The following ACOXL variants were observed in gnomAD, a reference collection of about 807,000 sequenced individuals.
The protein encoded by ACOXL is acyl-CoA oxidase like, also known as acyl-coenzyme A oxidase-like protein.
Under a neutral mutation model 71.9 loss-of-function variants are expected in ACOXL, and 70 were observed. That is an observed-to-expected ratio of 0.97 (90% CI 0.80 to 1.19). The LOEUF (loss-of-function observed/expected upper bound fraction) is 1.19. ACOXL is among the 50% of genes most tolerant of loss of function. ACOXL has a pLI of 0.00. For synonymous variants in ACOXL, 253 were observed against 281.6 expected (o/e 0.90, Z 1.02); for missense variants, 703 against 736.3 (o/e 0.95, Z 0.52).
chr2:110,881,823 T>A (rs574526944), intron 10 of ACOXL, among the ~76,000 whole-genome samples: 1 of 152,334 alleles, frequency 6.6e-6, no homozygotes, highest in Admixed American at 6.5e-5. Flanking sequence ...TTCCTTTTCA[T>A]TGTAGATTCA....
chr2:110,951,424 T>C (rs1247613947), intron 12 of ACOXL, among the ~76,000 whole-genome samples: 1 of 152,238 alleles, frequency 6.6e-6, no homozygotes, highest in Non-Finnish European at 1.5e-5. Context: ...TTTCCAATCA[T>C]TTACATTTGT....
intron 10 of ACOXL, among the ~76,000 whole-genome samples, chr2:110,845,543 A>G (rs577151847): frequency 6.6e-6 from 1 of 152,192 alleles, no homozygotes; most frequent in South Asian, 2.1e-4. Context: ...AGCGTTTTCA[A>G]CATTGCAAAC....
chr2:111,044,915 A>G (rs1042922137), intron 15 of ACOXL, among the ~76,000 whole-genome samples: 4 of 152,082 alleles, frequency 2.6e-5, no homozygotes, highest in African/African-American at 4.8e-5. Context: ...TTATTTCCCT[A>G]TGCTTCCTCT....
intron 10 of ACOXL, among the ~76,000 whole-genome samples, chr2:110,866,197 G>A (rs1694565169): frequency 6.6e-6 from 1 of 152,190 alleles, no homozygotes; most frequent in Non-Finnish European, 1.5e-5. Flanking sequence ...AAGGGGCCAT[G>A]GGGCAAGCCA....
intron 16 of ACOXL, among the ~76,000 whole-genome samples, chr2:111,055,870 G>A (rs1283642363): frequency 1.3e-5 from 2 of 152,104 alleles, no homozygotes; most frequent in African/African-American, 4.8e-5. Context: ...CTGTGGTTTG[G>A]AATCCAGCCC....
intron 14 of ACOXL, among the ~76,000 whole-genome samples, chr2:111,024,742 A>T (rs2064940487): frequency 6.6e-6 from 1 of 152,036 alleles, no homozygotes; most frequent in Admixed American, 6.6e-5. Context: ...TATCAGGAAA[A>T]CAGTAGCTTT....
intron 1 of ACOXL, among the ~76,000 whole-genome samples, chr2:110,736,259 T>A (rs1676832351): frequency 6.6e-6 from 1 of 152,198 alleles, no homozygotes; most frequent in Non-Finnish European, 1.5e-5. Flanking sequence ...TTTAACTGCT[T>A]CTGAATGTAC....
rs796287009 is a variant in ACOXL, at chr2:111,064,457, C to A, written c.1440+15169C>A. Among the ~76,000 whole-genome samples, 1,059 of 126,126 alleles carry A rather than the reference C, an allele frequency of 8.4e-3. 12 individuals carry two copies. Among genetic ancestry groups the A allele is most frequent in the East Asian group, 0.045 (195 of 4,366 alleles). The allele number at this position is 126,126 out of a possible 152,430, so 82.7% of individuals were successfully genotyped here. A position where few individuals can be genotyped will look rare whatever the true frequency, so the allele number is the denominator to read the frequency against. The stretch of plus-strand genomic sequence containing the variant: ...TCTCAAAAAAAAAACAAAAAAAAAA[C>A]AACAACTATATAGTATTTGCATATA... On this transcript the variant is annotated intron_variant, in intron 16 of 17. Coordinates refer to ENST00000439055, the MANE Select transcript of ACOXL (RefSeq NM_001142807.4).
intron 16 of ACOXL, among the ~76,000 whole-genome samples, chr2:111,079,872 C>CAA (rs5833385): frequency 0.043 from 5,508 of 129,076 alleles, 330 homozygotes; most frequent in African/African-American, 0.13. Flanking sequence ...TGTGAAAGGC[C>CAA]AAAAAAAAAA....
chr2:110,868,822 C>G (rs911602107), intron 10 of ACOXL, among the ~76,000 whole-genome samples: 1 of 152,204 alleles, frequency 6.6e-6, no homozygotes, highest in Non-Finnish European at 1.5e-5. Flanking sequence ...AATTCCTGGG[C>G]TCAAGTGATC....
At chr2:110,827,886 A>T (rs1005412078) in intron 9 of ACOXL, among the ~76,000 whole-genome samples, 4 of 152,234 alleles carry the variant, frequency 2.6e-5, no homozygotes, top group African/African-American at 9.6e-5. Context: ...CATCTTTCTC[A>T]TATTGCTAAA....
chr2:111,101,301 T>C (rs2069140947), intron 17 of ACOXL: 1 of 152,172 alleles, frequency 6.6e-6, no homozygotes, highest in Admixed American at 6.5e-5. Context: ...TGCTGGGATA[T>C]AGCCCTTCTC....
intron 10 of ACOXL, among the ~76,000 whole-genome samples, chr2:110,853,981 C>T (rs1328809896): frequency 1.3e-5 from 2 of 150,356 alleles, no homozygotes; most frequent in Non-Finnish European, 2.9e-5. Context: ...ACTTACTGAG[C>T]TTCTTCCATG....
chr2:110,856,640 A>T (rs1693283639), intron 10 of ACOXL, among the ~76,000 whole-genome samples: 1 of 152,260 alleles, frequency 6.6e-6, no homozygotes, highest in Non-Finnish European at 1.5e-5. Flanking sequence ...TCACACCTCA[A>T]ATTGTAAAAG....
At chr2:111,027,688 T>C (rs376838775) in intron 14 of ACOXL, among the ~76,000 whole-genome samples, 28 of 152,192 alleles carry the variant, frequency 1.8e-4, no homozygotes, top group African/African-American at 6.8e-4. Context: ...TATATCGTTA[T>C]GGTTATTGGG....
At chr2:111,055,884 C>A (rs760981247) in intron 16 of ACOXL, among the ~76,000 whole-genome samples, 1 of 151,874 alleles carries the variant, frequency 6.6e-6, no homozygotes, top group African/African-American at 2.4e-5. Context: ...CCAGCCCTGG[C>A]CCCTTCTAGC....
chr2:110,959,194 C>G (rs1199190887), intron 12 of ACOXL, among the ~76,000 whole-genome samples: 1 of 152,182 alleles, frequency 6.6e-6, no homozygotes, highest in Non-Finnish European at 1.5e-5. Context: ...CAGGGCCCTC[C>G]ATGTGGCTCT....
chr2:111,064,392 C>T (rs1420695165), intron 16 of ACOXL, among the ~76,000 whole-genome samples: 1 of 147,114 alleles, frequency 6.8e-6, no homozygotes, highest in South Asian at 2.2e-4. Flanking sequence ...GCCGAGATTG[C>T]GCCACTGCAG....
At chr2:110,914,998 A>T (rs2059785762) in intron 11 of ACOXL, among the ~76,000 whole-genome samples, 1 of 152,230 alleles carries the variant, frequency 6.6e-6, no homozygotes. Flanking sequence ...TTGTGTTACA[A>T]ACAATCCAAT....
Sources: gnomAD v4.1 joint callset for allele counts (sites outside exome capture counted in the v4.1 genomes callset) on GRCh38, gnomAD v4.1.1 for gene constraint, MANE v1.5 for transcripts, NCBI Gene and HGNC (gene_info 2026-07-23, HGNC 2026-07-21) for gene names.